DNAH14: variants seen among roughly 807,000 people sequenced by gnomAD.
DNAH14 encodes the protein axonemal beta dynein heavy chain 14.
DNAH14 carries 478 observed loss-of-function variants against 520.9 expected under a neutral mutation model. The ratio of observed to expected loss-of-function variants is 0.92; its 90% CI spans 0.85 to 0.99. The LOEUF (loss-of-function observed/expected upper bound fraction) is 0.99. DNAH14 is among the 50% of genes least tolerant of loss of function. The pLI is 0.00. For synonymous variants in DNAH14, 1,581 were observed against 1,757.2 expected (o/e 0.90, Z 2.51); for missense variants, 4,831 against 5,234.5 (o/e 0.92, Z 2.38).
At chr1:225,198,345 G>T (rs745481546) in intron 38 of DNAH14, among the ~76,000 whole-genome samples, 10 of 151,834 alleles carry the variant, frequency 6.6e-5, no homozygotes, top group Admixed American at 1.3e-4. Flanking sequence ...AGCCTCCCAA[G>T]TAGCTGGGAC....
intron 73 of DNAH14, among the ~76,000 whole-genome samples, chr1:225,358,264 A>G (rs995179834): frequency 2.3e-4 from 35 of 152,188 alleles, no homozygotes; most frequent in Middle Eastern, 6.3e-3. Context: ...AGTGTGAAAG[A>G]CATAGAGGCA....
Position 225,392,365 on chromosome 1 carries a change from C to T in DNAH14, c.13405C>T (p.His4469Tyr), listed in dbSNP as rs2095929016. ...IAVDALTFTH[H>Y]VISNTTDKDE... ...TGTGGATGCCCTCACCTTCACCCAC[C>T]ATGTGATTTCCAACACCACTGACAA... Residue 4469 changes from histidine (H) to tyrosine (Y), a missense_variant, in exon 84 of 86, where the codon CAT (histidine) becomes TAT (tyrosine). By Grantham distance (83) the His-to-Tyr change is moderately conservative. Coordinates refer to ENST00000682510, the MANE Select transcript of DNAH14 (RefSeq NM_001367479.1). 1.3e-6 allele frequency: 2 copies of T among 1,552,310 alleles called. No homozygotes were observed. Among genetic ancestry groups the T allele is most frequent in the Non-Finnish European group, 1.7e-6 (2 of 1,147,134 alleles).
At chr1:225,038,958 T>A in intron 12 of DNAH14, 135 bp downstream of exon 12, 1 of 677,154 alleles carries the variant, frequency 1.5e-6, no homozygotes, top group Non-Finnish European at 2.3e-6. Flanking sequence ...ACACACACAC[T>A]TAGCTGCTCC....
intron 8 of DNAH14, among the ~76,000 whole-genome samples, chr1:224,999,981 TTTTG>T (rs1270291820): frequency 6.6e-6 from 1 of 152,198 alleles, no homozygotes; most frequent in African/African-American, 2.4e-5. Context: ...TTGATTATAT[TTTTG>T]TTTATCATGT....
chr1:225,077,309 A>G (rs903801571), intron 17 of DNAH14, among the ~76,000 whole-genome samples: 2 of 152,044 alleles, frequency 1.3e-5, no homozygotes, highest in African/African-American at 4.8e-5. Context: ...TATTTTTAAG[A>G]TTTTTGTGTT....
At chr1:224,966,191 A>T (rs79984312) in intron 5 of DNAH14, among the ~76,000 whole-genome samples, 16 of 152,008 alleles carry the variant, frequency 1.1e-4, no homozygotes, top group African/African-American at 3.1e-4. Flanking sequence ...GTTTTTGAGG[A>T]TTTAATATTG....
intron 23 of DNAH14, among the ~76,000 whole-genome samples, chr1:225,113,242 C>T (rs1008154207): frequency 6.6e-6 from 1 of 152,122 alleles, no homozygotes; most frequent in South Asian, 2.1e-4. Flanking sequence ...AGACAAGGTA[C>T]CACCTTGGTG....
chr1:225,393,421 G>A (rs1381843219), intron 84 of DNAH14, among the ~76,000 whole-genome samples: 1 of 152,338 alleles, frequency 6.6e-6, no homozygotes, highest in Non-Finnish European at 1.5e-5. Flanking sequence ...GCATGTTACT[G>A]TATTGAACAC....
chr1:225,087,331 A>G (rs909280958), intron 21 of DNAH14, among the ~76,000 whole-genome samples: 1 of 152,182 alleles, frequency 6.6e-6, no homozygotes, highest in African/African-American at 2.4e-5. Flanking sequence ...TGATCATGGC[A>G]CTAATCTATT....
In DNAH14 at chr1:225,240,602, T is replaced by C; in HGVS notation, c.6528T>C (p.Asn2176=). The C allele has an allele frequency of 2.6e-6, 4 of 1,546,068 alleles. No homozygotes were observed. The highest frequency in any genetic ancestry group is 3.5e-6 in the Non-Finnish European group (4 of 1,142,550). The change falls in exon 43 of 86, where the codon AAT becomes AAC. Residue 2176 remains asparagine (N), a synonymous_variant. Coordinates refer to ENST00000682510, the MANE Select transcript of DNAH14 (RefSeq NM_001367479.1). Reference sequence around the variant, plus strand: ...TACCTGTCTACCCCAGGGATGAAAATACATGGTATCCAGAGAAAAATCCTG... The same window carrying C: ...TACCTGTCTACCCCAGGGATGAAAACACATGGTATCCAGAGAAAAATCCTG... ...TFKDIEKRDE[N]TWYPEKNPDK...
chr1:225,178,448 ACG>A (rs2083577037), intron 36 of DNAH14, among the ~76,000 whole-genome samples: 2 of 152,240 alleles, frequency 1.3e-5, no homozygotes, highest in East Asian at 3.9e-4. Flanking sequence ...CAAGGGAAAG[ACG>A]AGCCCCCATG....
At chr1:224,980,700 T>G (rs989093391) in intron 8 of DNAH14, among the ~76,000 whole-genome samples, 1 of 152,180 alleles carries the variant, frequency 6.6e-6, no homozygotes, top group African/African-American at 2.4e-5. Flanking sequence ...GCTTCAGGTT[T>G]AACCAGAAGG....
chr1:225,029,122 T>G (rs1587980), intron 11 of DNAH14, among the ~76,000 whole-genome samples: 8,367 of 152,042 alleles, frequency 0.055, 468 homozygotes, highest in East Asian at 0.24. Flanking sequence ...TTATACTTAC[T>G]TATGCAACAC....
intron 60 of DNAH14, among the ~76,000 whole-genome samples, chr1:225,317,425 G>A (rs113424696): frequency 0.041 from 6,261 of 151,502 alleles, 187 homozygotes; most frequent in Middle Eastern, 0.076. Context: ...CATATTTCAC[G>A]TTTTTATCTT....
At position 225,168,077 on chromosome 1, in the gene DNAH14, G is replaced by A. The variant is rs888785968; in HGVS notation, c.5535+49G>A. On this transcript the variant is annotated intron_variant, in intron 36 of 85. Transcript: ENST00000682510. ...CAATCCTTTGCCTGTATTTCAATAG[G>A]AATTAATAAAATAAAGGGCAAAAAT... The A allele has an allele frequency of 3.9e-5, 43 of 1,093,396 alleles. No individual in the cohort carries two copies. In the Admixed American group the frequency reaches 5.6e-4, roughly 14 times the overall value. The allele number at this position is 1,093,396 out of a possible 1,614,324, so 67.7% of individuals were successfully genotyped here.
chr1:225,112,197 T>C (rs1417821788), intron 23 of DNAH14, among the ~76,000 whole-genome samples: 1 of 152,152 alleles, frequency 6.6e-6, no homozygotes, highest in Non-Finnish European at 1.5e-5. Context: ...TTTGAAAATC[T>C]GTATGTCCCC....
In DNAH14 at chr1:224,968,747, T is replaced by G; in HGVS notation, c.652-12T>G. 1 of 1,351,426 alleles carries G rather than the reference T, an allele frequency of 7.4e-7. No individual in the cohort carries two copies. The highest frequency in any genetic ancestry group is 9.9e-7 in the Non-Finnish European group (1 of 1,013,220). 83.7% of individuals were successfully genotyped at this position (1,351,426 alleles called of 1,614,324 possible). A position where few individuals can be genotyped will look rare whatever the true frequency, so the allele number is the denominator to read the frequency against. ...AAGAAATAAAATAATGCTTTTGTGC[T>G]TTATTTTGTAGGTTATTAATATAGT... On this transcript the variant is annotated splice_polypyrimidine_tract_variant and intron_variant, in intron 6 of 85. Coordinates refer to ENST00000682510, the MANE Select transcript of DNAH14 (RefSeq NM_001367479.1).
intron 84 of DNAH14, chr1:225,397,266 T>C (rs10915821): frequency 0.69 from 104,331 of 152,236 alleles, 37,868 homozygotes; most frequent in East Asian, 0.85. Flanking sequence ...CGTGAGCCAC[T>C]GCGCCCGGCC....
intron 36 of DNAH14, among the ~76,000 whole-genome samples, chr1:225,168,537 G>A (rs1289140561): frequency 2.6e-5 from 4 of 152,194 alleles, no homozygotes; most frequent in Non-Finnish European, 4.4e-5. Flanking sequence ...CTATACCCAC[G>A]GAGCCTCACT....
Sources: allele counts gnomAD v4.1 joint callset (sites outside exome capture counted in the v4.1 genomes callset), GRCh38; gene constraint gnomAD v4.1.1; transcripts MANE v1.5; gene names NCBI Gene and HGNC (gene_info 2026-07-23, HGNC 2026-07-21).